ABCA13: variants seen among roughly 807,000 people sequenced by gnomAD.
The protein encoded by ABCA13 is ATP binding cassette subfamily A member 13, also known as ATP-binding cassette sub-family A member 13.
Under a neutral mutation model 478.7 loss-of-function variants are expected in ABCA13, and 476 were observed. The observed-to-expected ratio is 0.99, with a 90% CI of 0.92 to 1.07. The LOEUF (loss-of-function observed/expected upper bound fraction) is 1.07. ABCA13 is among the 50% of genes least tolerant of loss of function. The probability of loss-of-function intolerance (pLI) is 0.00; values close to 1 mark genes in which losing one functional copy is unlikely to be tolerated. For missense variants in ABCA13, 6,060 were observed against 5,910.6 expected, an observed-to-expected ratio of 1.03 and a Z score of -0.83; for synonymous variants, 2,252 against 2,158.9, an observed-to-expected ratio of 1.04 and a Z score of -1.20.
At chr7:48,196,507 T>G (rs1201095034) in intron 2 of ABCA13, among the ~76,000 whole-genome samples, 1 of 152,132 alleles carries the variant, frequency 6.6e-6, no homozygotes, top group Non-Finnish European at 1.5e-5. Flanking sequence ...AAATTTCCCC[T>G]GGCTCCCAGG....
rs1184164599 is a variant in ABCA13, at chr7:48,281,410, A to G, written c.8794A>G (p.Lys2932Glu). 2 of 1,608,724 alleles carry G rather than the reference A, an allele frequency of 1.2e-6. No individual in the cohort carries two copies. Among genetic ancestry groups the G allele is most frequent in the Non-Finnish European group, 1.7e-6 (2 of 1,177,554 alleles). ...KPSEAMEMLQ[K>E]VKMMVVRVLT... ...CTCAGAAGCCATGGAGATGCTGCAG[A>G]AAGTGAAGATGATGGTCGTACGTGT... Residue 2932 changes from lysine to glutamate, a missense_variant, in exon 19 of 62, where the codon AAA becomes GAA. Transcript: ENST00000435803.
At chr7:48,532,978 C>A (rs953607276) in intron 55 of ABCA13, among the ~76,000 whole-genome samples, 35 of 151,672 alleles carry the variant, frequency 2.3e-4, no homozygotes, top group African/African-American at 6.8e-4. Context: ...TTATCTTTTG[C>A]ATTTTTTTTG....
intron 56 of ABCA13, among the ~76,000 whole-genome samples, chr7:48,582,867 C>A (rs1178574111): frequency 2.0e-5 from 3 of 152,164 alleles, no homozygotes; most frequent in African/African-American, 7.2e-5. Context: ...CAAAACTGTG[C>A]AGTGTACATA....
chr7:48,359,733 A>G (rs977161523), intron 31 of ABCA13, among the ~76,000 whole-genome samples: 3 of 151,962 alleles, frequency 2.0e-5, no homozygotes, highest in African/African-American at 7.3e-5. Flanking sequence ...ACATCCTGAG[A>G]AAACAAAACA....
chr7:48,489,183 C>G, intron 47 of ABCA13, 53 bp from the exon 48 acceptor site: 1 of 1,425,836 alleles, frequency 7.0e-7, no homozygotes, highest in South Asian at 1.2e-5. Flanking sequence ...AGTTGACAAA[C>G]AGACTTACGA....
At chr7:48,371,211 A>T (rs1812580140) in intron 32 of ABCA13, among the ~76,000 whole-genome samples, 1 of 152,084 alleles carries the variant, frequency 6.6e-6, no homozygotes, top group African/African-American at 2.4e-5. Context: ...GTCAGGTAGC[A>T]TGATGCCTCC....
chr7:48,279,394 T>G lies in ABCA13; in HGVS notation c.8200T>G (p.Phe2734Val), dbSNP rs747948068. 1 of 1,598,996 alleles carries G rather than the reference T, an allele frequency of 6.3e-7. No homozygotes were observed. The highest frequency in any genetic ancestry group is 2.2e-5 in the East Asian group (1 of 44,636). ...LSQNSTEIGS[F>V]LKMVICLTLE... ...ACAAAACAGCACAGAAATAGGATCT[T>G]TCTTGAAAATGGTGATCTGTCTCAC... is the stretch of plus-strand genomic sequence containing the variant. Residue 2734 changes from phenylalanine (F) to valine (V), a missense_variant, in exon 18 of 62, where the codon TTC becomes GTC. Phe to Val is a conservative substitution (Grantham distance 50, BLOSUM62 -1). Around this residue, in one of 3 missense-constraint regions of ABCA13, gnomAD observed 4,423 missense variants for 4,309.1 expected, o/e 1.03. Transcript: ENST00000435803.
At chr7:48,613,714 A>G (rs1288271135) in intron 58 of ABCA13, among the ~76,000 whole-genome samples, 1 of 150,706 alleles carries the variant, frequency 6.6e-6, no homozygotes, top group African/African-American at 2.4e-5. Flanking sequence ...GTCTTCTTTC[A>G]TGATTCCTCT....
At chr7:48,444,198 G>C (rs928536404) in intron 42 of ABCA13, among the ~76,000 whole-genome samples, 4 of 152,096 alleles carry the variant, frequency 2.6e-5, no homozygotes, top group Non-Finnish European at 4.4e-5. Context: ...TTTTGCTAAA[G>C]ACAAAGCAGC....
rs200724609 is a variant in ABCA13 at position 48,313,246 on chromosome 7, T to G, written c.9681+15T>G. 425 of 1,597,676 alleles carry G rather than the reference T, an allele frequency of 2.7e-4. No individual in the cohort carries two copies. Among genetic ancestry groups the G allele is most frequent in the Non-Finnish European group, 3.5e-4 (411 of 1,172,142 alleles). ...ACTTTCAACAGGTGTGTGTTTCATC[T>G]TTGTCCCTAGGGAAATATTCAAATT... On this transcript the variant is annotated intron_variant, in intron 25 of 61. Coordinates refer to ENST00000435803, the MANE Select transcript of ABCA13 (RefSeq NM_152701.5).
Position 48,198,275 on chromosome 7 carries a change from AT to A in ABCA13, c.203del (p.Ile68ThrfsTer48). 4 of 1,613,668 alleles carry A rather than the reference AT, an allele frequency of 2.5e-6. No individual in the cohort carries two copies. The highest frequency in any genetic ancestry group is 3.4e-6 in the Non-Finnish European group (4 of 1,179,796). The part of the protein sequence containing the change: ...QPRDLPSCGV[I>X]PFVQSLLCNT... ...CCGAGATCTACCCAGCTGTGGTGTT[AT>A]CCCCTTTGTTCAAAGCCTTCTTTGT... On this transcript the variant is annotated frameshift_variant, in exon 3 of 62. Transcript: ENST00000435803. LOFTEE classifies it high-confidence loss of function.
At chr7:48,234,870 G>T (rs1258480528) in intron 8 of ABCA13, among the ~76,000 whole-genome samples, 2 of 152,176 alleles carry the variant, frequency 1.3e-5, no homozygotes, top group African/African-American at 4.8e-5. Flanking sequence ...TGTTGAGTTA[G>T]GAATGTTTGG....
At chr7:48,257,852 A>G (rs1793624728) in intron 15 of ABCA13, among the ~76,000 whole-genome samples, 1 of 152,096 alleles carries the variant, frequency 6.6e-6, no homozygotes, top group Non-Finnish European at 1.5e-5. Flanking sequence ...CTCCTCTGCA[A>G]TTTTTTGGAT....
chr7:48,438,884 G>GTTTTTTTT (rs59630845), intron 42 of ABCA13, among the ~76,000 whole-genome samples: 21,466 of 137,854 alleles, frequency 0.16, 1,590 homozygotes, highest in Admixed American at 0.2. Context: ...TTTTGCTAAG[G>GTTTTTTTT]TTTTTTTTTT....
At chr7:48,309,083 C>A (rs1222691849) in intron 23 of ABCA13, among the ~76,000 whole-genome samples, 2 of 141,820 alleles carry the variant, frequency 1.4e-5, no homozygotes, top group Admixed American at 7.1e-5. Context: ...GGTTCTGTTT[C>A]TCTGGAGGAC....
intron 58 of ABCA13, among the ~76,000 whole-genome samples, chr7:48,595,734 A>G (rs1483560301): frequency 6.6e-6 from 1 of 152,170 alleles, no homozygotes; most frequent in African/African-American, 2.4e-5. Context: ...ACTACCTTAT[A>G]ACATCTGATA....
At chr7:48,381,812 A>G (rs1304639400) in intron 35 of ABCA13, among the ~76,000 whole-genome samples, 3 of 152,198 alleles carry the variant, frequency 2.0e-5, no homozygotes, top group Non-Finnish European at 2.9e-5. Flanking sequence ...GGGCCTTTGC[A>G]CATATTAATG....
chr7:48,221,172 G>A, intron 4 of ABCA13, 109 bp from the exon 5 acceptor site: 1 of 557,704 alleles, frequency 1.8e-6, no homozygotes. Context: ...TGATTTTTGG[G>A]CCAGGGCTCT....
chr7:48,462,445 C>T (rs1049618465), intron 43 of ABCA13, among the ~76,000 whole-genome samples: 5 of 150,320 alleles, frequency 3.3e-5, no homozygotes, highest in African/African-American at 1.2e-4. Flanking sequence ...TAAAGGATTC[C>T]CCCCCCCCTA....
Sources: gnomAD v4.1 joint callset for allele counts (sites outside exome capture counted in the v4.1 genomes callset) on GRCh38, gnomAD v4.1.1 for gene constraint, gnomAD v4.1.1 regional missense constraint, MANE v1.5 for transcripts, NCBI Gene and HGNC (gene_info 2026-07-23, HGNC 2026-07-21) for gene names.